The following SCRIB variants were observed in gnomAD, a reference collection of about 807,000 sequenced individuals.
SCRIB encodes protein scribble homolog.
A neutral mutation model predicts 170.0 loss-of-function variants in SCRIB; 72 were observed. The ratio of observed to expected loss-of-function variants is 0.42; its 90% confidence interval spans 0.35 to 0.52. The LOEUF is 0.52. Ranked by LOEUF, SCRIB falls within the 20% of genes least tolerant of loss-of-function variation. The pLI, the probability that SCRIB is intolerant of heterozygous loss-of-function variation, is 0.02. For missense variants in SCRIB, 2,475 were observed against 2,338.5 expected, an observed-to-expected ratio of 1.06 and a Z score of -1.20; for synonymous variants, 1,298 against 1,044.3, an observed-to-expected ratio of 1.24 and a Z score of -4.68.
Position 143,813,594 on chromosome 8 carries a change from T to C in SCRIB, c.446+43A>G, listed in dbSNP as rs761783343. The C allele has an allele frequency of 8.1e-6, 13 of 1,612,040 alleles. No individual in the cohort carries two copies. The South Asian group carries it at 1.3e-4, about 16-fold the overall frequency. ...GTGGCAGCAGGGGCAGGGCCAATCCTGGTCCCCCACCCCACCCTAGTTCCA... is the reference window on the plus strand; with the variant it reads ...GTGGCAGCAGGGGCAGGGCCAATCCCGGTCCCCCACCCCACCCTAGTTCCA... On this transcript the variant is annotated intron_variant, in intron 4 of 36. Coordinates refer to ENST00000356994, the MANE Select transcript of SCRIB (RefSeq NM_182706.5).
At chr8:143,799,000 G>A (rs1815061259) in intron 24 of SCRIB, among the ~76,000 whole-genome samples, 1 of 152,204 alleles carries the variant, frequency 6.6e-6, no homozygotes, top group African/African-American at 2.4e-5. Flanking sequence ...AGGGAACGCT[G>A]TGTTGAAACC....
At chr8:143,797,091 G>A (rs929568205) in intron 24 of SCRIB, among the ~76,000 whole-genome samples, 1 of 152,148 alleles carries the variant, frequency 6.6e-6, no homozygotes, top group Admixed American at 6.5e-5. Flanking sequence ...TGAGAGAAAG[G>A]GGCAACTCCA....
chr8:143,814,692 C>T (rs578134146), intron 1 of SCRIB: 69 of 161,436 alleles, frequency 4.3e-4, no homozygotes, highest in African/African-American at 1.6e-3. Context: ...AAAAGAAATA[C>T]TTTTTAATCT....
At chr8:143,808,473 G>T in intron 15 of SCRIB, 136 bp downstream of exon 15, 1 of 1,061,982 alleles carries the variant, frequency 9.4e-7, no homozygotes, top group Non-Finnish European at 1.3e-6. Flanking sequence ...GCCGACTGTG[G>T]AGCACACGTG....
intron 8 of SCRIB, 81 bp from the exon 9 acceptor site, chr8:143,812,465 G>T (rs1815782936): frequency 9.0e-7 from 1 of 1,108,032 alleles, no homozygotes; most frequent in Non-Finnish European, 1.4e-6. Flanking sequence ...GCGCCCTCAA[G>T]GCAGACAGCA....
At chr8:143,809,104 C>A in intron 14 of SCRIB, 79 bp from the exon 15 acceptor site, 1 of 1,494,600 alleles carries the variant, frequency 6.7e-7, no homozygotes, top group Non-Finnish European at 8.9e-7. Context: ...ACAGTGTGGC[C>A]ACAGACGGGC....
Position 143,804,071 on chromosome 8 carries a change from T to C in SCRIB, c.3095A>G (p.Gln1032Arg), listed in dbSNP as rs782758785. 1 of 1,612,198 alleles carries C rather than the reference T, an allele frequency of 6.2e-7. No individual in the cohort carries two copies. The highest frequency in any genetic ancestry group is 2.2e-5 in the East Asian group (1 of 44,830). The change falls in exon 22 of 37, where the codon CAG becomes CGG. Residue 1032 changes from glutamine to arginine, a missense_variant. Around this residue, in one of 3 missense-constraint regions of SCRIB, gnomAD observed 1,966 missense variants for 1,742.9 expected, o/e 1.13. Coordinates refer to ENST00000356994, the MANE Select transcript of SCRIB (RefSeq NM_182706.5). ...SDHSSHPFGV[Q>R]EPGVFISKVL... ...CTTGGAGATGAACACACCAGGCTCC[T>C]GGACACCAAACGGGTGGCTGGAATG...
chr8:143,813,962 C>T lies in SCRIB; in HGVS notation c.277+39G>A, dbSNP rs1241128475. 8.9e-6 allele frequency: 14 copies of T among 1,578,770 alleles called. No homozygotes were observed. The South Asian group carries it at 9.1e-5, about 10-fold the overall frequency. On this transcript the variant is annotated intron_variant, in intron 2 of 36. Transcript: ENST00000356994. ...AGGCCGTCTGCAGCCCCAGCGGACA[C>T]TCCCCAGACCCCACCCAGCCCCTGC...
At chr8:143,791,466 GC>G (rs781873171) in intron 35 of SCRIB, 26 bp from the exon 36 acceptor site, 1 of 1,606,148 alleles carries the variant, frequency 6.2e-7, no homozygotes, top group Non-Finnish European at 8.5e-7. Context: ...TGTTGGTCAG[GC>G]CGGTGCCAGC....
rs140538527 is a variant in SCRIB, at chr8:143,795,881, G to A, written c.3604-351C>T. On this transcript the variant is annotated intron_variant, in intron 24 of 36. Transcript: ENST00000356994. The stretch of plus-strand genomic sequence containing the variant: ...AGCCACCAAGATGGGGGAAGGAGGG[G>A]CGTGAGTAGCAGGCACTGGAACTGA... Among the ~76,000 whole-genome samples the A allele has an allele frequency of 8.5e-4, 129 of 152,314 alleles. 1 individual carries two copies. Among genetic ancestry groups the A allele is most frequent in the African/African-American group, 3.0e-3 (123 of 41,562 alleles).
At chr8:143,802,205 G>C (rs1435172709) in intron 24 of SCRIB, among the ~76,000 whole-genome samples, 2 of 152,236 alleles carry the variant, frequency 1.3e-5, no homozygotes, top group Non-Finnish European at 2.9e-5. Context: ...GGACCCGGTG[G>C]GTGAGGGCTG....
intron 9 of SCRIB, 99 bp from the exon 10 acceptor site, chr8:143,811,444 T>C: frequency 2.8e-6 from 3 of 1,081,976 alleles, no homozygotes; most frequent in Non-Finnish European, 4.1e-6. Context: ...CCAGGCCAGC[T>C]CCAGCCAGGG....
In SCRIB at chr8:143,813,991, G is replaced by A. The variant is rs1174924363; in HGVS notation, c.277+10C>T. The stretch of plus-strand genomic sequence containing the variant: ...CCAGACCCCACCCAGCCCCTGCCCA[G>A]GCTCCCCACCGTTCCGGGACACGTC... On this transcript the variant is annotated intron_variant, in intron 2 of 36. Transcript: ENST00000356994. The A allele has an allele frequency of 1.3e-6, 2 of 1,531,830 alleles. No homozygotes were observed. The highest frequency in any genetic ancestry group is 1.8e-6 in the Non-Finnish European group (2 of 1,123,482). The allele number at this position is 1,531,830 out of a possible 1,614,324, so 94.9% of individuals were successfully genotyped here.
chr8:143,796,600 G>A (rs781934785), intron 24 of SCRIB, among the ~76,000 whole-genome samples: 17 of 152,228 alleles, frequency 1.1e-4, no homozygotes, highest in Non-Finnish European at 2.1e-4. Context: ...GTCATCAACT[G>A]TAAGCGCTCA....
chr8:143,802,531 G>A (rs1815217653), intron 24 of SCRIB, among the ~76,000 whole-genome samples: 1 of 152,242 alleles, frequency 6.6e-6, no homozygotes, highest in African/African-American at 2.4e-5. Context: ...TCCAGGTGAA[G>A]GCCCAGGCAT....
At position 143,815,727 on chromosome 8, in the gene SCRIB, G is replaced by T; in HGVS notation, c.-355C>A. On this transcript the variant is annotated 5_prime_UTR_variant, in exon 1 of 37. Transcript: ENST00000356994. ...CCGCCGCTGCCCGCCGGACTGCCCC[G>T]CCGACACCCACCCGGCCGCCGCGCA... is the stretch of plus-strand genomic sequence containing the variant. 1 of 983,940 alleles carries T rather than the reference G, an allele frequency of 1.0e-6. No individual in the cohort carries two copies. The allele number at this position is 983,940 out of a possible 1,614,324, so 61.0% of individuals were successfully genotyped here.
Position 143,812,843 on chromosome 8 carries a change from A to G in SCRIB, c.761T>C (p.Leu254Pro), listed in dbSNP as rs754081479. The change falls in exon 8 of 37, where the codon CTG becomes CCG. Residue 254 changes from leucine to proline, a missense_variant. Leu to Pro is a moderately conservative substitution (Grantham distance 98). Coordinates refer to ENST00000356994, the MANE Select transcript of SCRIB (RefSeq NM_182706.5). ...GATGCCGTCGGGCAGCCTCCGCAGC[A>G]GGTTCTGGGACAGCAGCAGGTCAGT... ...LLTDLLLSQN[L>P]LRRLPDGIGQ... The G allele has an allele frequency of 1.9e-6, 3 of 1,604,174 alleles. No homozygotes were observed. In the Admixed American group the frequency reaches 5.0e-5, roughly 27 times the overall value.
At position 143,815,639 on chromosome 8, in the gene SCRIB, C is replaced by A; in HGVS notation, c.-267G>T. ...GGGAGCGGCGGCGGCGGCGGCTCCG[C>A]ATCCCGCTTGGTCCTGCTCAGCTCG... On this transcript the variant is annotated 5_prime_UTR_variant, in exon 1 of 37. The change abolishes an upstream ATG in the 5' untranslated region. Transcript: ENST00000356994. 1 of 982,798 alleles carries A rather than the reference C, an allele frequency of 1.0e-6. No individual in the cohort carries two copies. The highest frequency in any genetic ancestry group is 1.2e-6 in the Non-Finnish European group (1 of 828,724). The allele number at this position is 982,798 out of a possible 1,614,324, so 60.9% of individuals were successfully genotyped here.
intron 24 of SCRIB, among the ~76,000 whole-genome samples, chr8:143,796,970 C>T (rs573367560): frequency 2.0e-5 from 3 of 152,330 alleles, no homozygotes; most frequent in African/African-American, 7.2e-5. Flanking sequence ...ACCGGCATAC[C>T]CTCCAGCTCT....
Sources: allele counts gnomAD v4.1 joint callset (sites outside exome capture counted in the v4.1 genomes callset), GRCh38; gene constraint gnomAD v4.1.1; regional missense constraint gnomAD v4.1.1; transcripts MANE v1.5; gene names NCBI Gene and HGNC (gene_info 2026-07-23, HGNC 2026-07-21).